SPTBN5: variants seen among roughly 807,000 people sequenced by gnomAD.
The protein encoded by SPTBN5 is spectrin beta chain, non-erythrocytic 5.
Under a neutral mutation model 477.6 loss-of-function variants are expected in SPTBN5, and 513 were observed. The observed-to-expected ratio is 1.07, with a 90% CI of 1.00 to 1.16. The LOEUF is 1.16. Among genes scored for constraint, SPTBN5 ranks in the 50% most tolerant of loss-of-function variants. The pLI, the probability that SPTBN5 is intolerant of heterozygous loss-of-function variation, is 0.00. For missense variants in SPTBN5, 5,062 were observed against 4,731.8 expected, an observed-to-expected ratio of 1.07 and a Z score of -2.05; for synonymous variants, 2,169 against 2,011.7, an observed-to-expected ratio of 1.08 and a Z score of -2.09.
intron 36 of SPTBN5, 35 bp from the exon 37 acceptor site, chr15:41,866,528 T>G: frequency 6.7e-7 from 1 of 1,495,742 alleles, no homozygotes; most frequent in Non-Finnish European, 8.9e-7. Context: ...TGCAATGTTC[T>G]GCAGCCTCAG....
Position 41,849,928 on chromosome 15 carries a change from T to A in SPTBN5, c.10953A>T (p.Lys3651Asn). Residue 3651 changes from lysine (K) to asparagine (N), a missense_variant, in exon 67 of 68, where the codon AAA becomes AAT. Transcript: ENST00000320955. Reference protein sequence around the residue: ...AQSLSPKLKAKPVSSLNECTT... With the variant: ...AQSLSPKLKANPVSSLNECTT... ...TGCACTCATTCAGAGAGCTGACAGG[T>A]TTGGCTTTGAGTTTTGGGCTCAGAC... is the stretch of plus-strand genomic sequence containing the variant. The A allele has an allele frequency of 6.3e-7, 1 of 1,596,786 alleles. No individual in the cohort carries two copies. Among genetic ancestry groups the A allele is most frequent in the Non-Finnish European group, 8.5e-7 (1 of 1,171,492 alleles).
Position 41,862,620 on chromosome 15 carries a change from G to C in SPTBN5, c.7304C>G (p.Pro2435Arg). Residue 2435 changes from proline (P) to arginine (R), a missense_variant, in exon 43 of 68, where the codon CCC (proline) becomes CGC (arginine). Transcript: ENST00000320955. ...GTGCCTGAGGCCGTGGGCTGCCTCG[G>C]GGCTTCTTTGGCAGAGGCGGCCCAC... ...REVGRLCQRS[P>R]EAAHGLRHRQ... 6.4e-7 allele frequency: 1 copy of C among 1,557,406 alleles called. No homozygotes were observed. The highest frequency in any genetic ancestry group is 8.7e-7 in the Non-Finnish European group (1 of 1,152,780).
At position 41,863,975 on chromosome 15, in the gene SPTBN5, T is replaced by C. The variant is rs1484465799; in HGVS notation, c.6968A>G (p.Gln2323Arg). The C allele has an allele frequency of 2.5e-6, 4 of 1,613,740 alleles. No homozygotes were observed. Among genetic ancestry groups the C allele is most frequent in the Non-Finnish European group, 3.4e-6 (4 of 1,179,894 alleles). The change falls in exon 40 of 68, where the codon CAG (glutamine) becomes CGG (arginine). Residue 2323 changes from glutamine to arginine, a missense_variant. Physicochemically the swap from Gln to Arg is conservative, Grantham distance 43. Coordinates refer to ENST00000320955, the MANE Select transcript of SPTBN5 (RefSeq NM_016642.4). ...TTCCTCAGGGTCCCGGTTCTTGAGC[T>C]GCAGTGACAAGTCACTGATGCTCCT... is the stretch of plus-strand genomic sequence containing the variant. ...CIRSISDLSL[Q>R]LKNRDPEEVK... is the part of the protein sequence containing the mutation.
intron 49 of SPTBN5, among the ~76,000 whole-genome samples, chr15:41,858,335 G>C (rs1162392547): frequency 6.6e-6 from 1 of 152,190 alleles, no homozygotes; most frequent in African/African-American, 2.4e-5. Context: ...TCACAGGACT[G>C]GTGGCTATGT....
intron 62 of SPTBN5, 119 bp downstream of exon 62, chr15:41,852,063 G>T: frequency 7.7e-7 from 1 of 1,293,046 alleles, no homozygotes; most frequent in Non-Finnish European, 1.1e-6. Flanking sequence ...TTCAGCTCCT[G>T]TGCCCGGGCT....
intron 13 of SPTBN5, 117 bp from the exon 14 acceptor site, chr15:41,880,429 G>T: frequency 2.7e-6 from 3 of 1,109,926 alleles, no homozygotes; most frequent in Non-Finnish European, 2.5e-6. Flanking sequence ...CAGGGTCAGG[G>T]CCAGAGGGGG....
At chr15:41,887,142 G>T in intron 6 of SPTBN5, 71 bp downstream of exon 6, 1 of 1,396,234 alleles carries the variant, frequency 7.2e-7, no homozygotes, top group Non-Finnish European at 9.9e-7. Flanking sequence ...GTACGTGGCA[G>T]GGCAGGCTTC....
At position 41,866,197 on chromosome 15, in the gene SPTBN5, A is replaced by T. The variant is rs1595467959; in HGVS notation, c.6663T>A (p.Pro2221=). The T allele has an allele frequency of 6.3e-7, 1 of 1,586,064 alleles. No homozygotes were observed. Among genetic ancestry groups the T allele is most frequent in the African/African-American group, 1.3e-5 (1 of 74,362 alleles). ...GCCGCTGGGAGACCTCTCCGGCTCG[A>T]GGGTGACTCTGTGCCAGGAGAGCCT... is the stretch of plus-strand genomic sequence containing the variant. ...KGEALLAQSH[P]RAGEVSQRLQ... Residue 2221 remains proline, a synonymous_variant, in exon 38 of 68, where the codon CCT becomes CCA. Transcript: ENST00000320955.
rs1165149858 is a variant in SPTBN5, at chr15:41,882,048, G to A, written c.2345C>T (p.Thr782Ile). ...CAGCCGCACGTGGCGCCTCAGCAGG[G>A]TCTCGGCGGCCGCCTGGTCCTGACC... ...SCGQDQAAAE[T>I]LLRRHVRLER... Residue 782 changes from threonine to isoleucine, a missense_variant, in exon 12 of 68, where the codon ACC becomes ATC. By Grantham distance (89) the Thr-to-Ile change is moderately conservative. Transcript: ENST00000320955. The A allele has an allele frequency of 1.3e-6, 2 of 1,557,068 alleles. No homozygotes were observed. The highest frequency in any genetic ancestry group is 1.7e-6 in the Non-Finnish European group (2 of 1,163,144).
At position 41,850,800 on chromosome 15, in the gene SPTBN5, G is replaced by A. The variant is rs1023431288; in HGVS notation, c.10921+54C>T. The stretch of plus-strand genomic sequence containing the variant: ...TGCATAAAACACTAGGGGCCCAGGA[G>A]CTTGGGGCCCAGGGAGTCGGCCGCC... On this transcript the variant is annotated intron_variant, in intron 66 of 67. Coordinates refer to ENST00000320955, the MANE Select transcript of SPTBN5 (RefSeq NM_016642.4). The A allele has an allele frequency of 3.4e-6, 5 of 1,470,788 alleles. No individual in the cohort carries two copies. In the Admixed American group the frequency reaches 6.3e-5, roughly 18 times the overall value. The allele number at this position is 1,470,788 out of a possible 1,614,324, so 91.1% of individuals were successfully genotyped here.
chr15:41,862,988 T>C, intron 41 of SPTBN5, 85 bp from the exon 42 acceptor site: 1 of 1,239,326 alleles, frequency 8.1e-7, no homozygotes, highest in Middle Eastern at 1.9e-4. Flanking sequence ...GTGGCTTCTG[T>C]GTGCACAGCA....
At chr15:41,882,534 A>AGGGAAGGGCAAGGCGCTG (rs2067002796) in intron 10 of SPTBN5, 51 bp downstream of exon 10, 5 of 1,589,018 alleles carry the variant, frequency 3.1e-6, no homozygotes, top group Non-Finnish European at 4.3e-6. Flanking sequence ...GGGGCCCGAG[A>AGGGAAGGGCAAGGCGCTG]GGGAAGGGCA....
chr15:41,877,039 T>C, intron 18 of SPTBN5, 77 bp downstream of exon 18: 1 of 1,596,586 alleles, frequency 6.3e-7, no homozygotes, highest in Non-Finnish European at 8.5e-7. Context: ...CTGCCCAGCC[T>C]GGCTTCTGGA....
chr15:41,870,700 C>G lies in SPTBN5; in HGVS notation c.5448-140G>C, dbSNP rs1288184295. Reference sequence around the variant, plus strand: ...AAGCTCCTCCTTCTTAAAACCTCTCCCGCCTGTGGCCCTGCCTACGCACCT... The same window carrying G: ...AAGCTCCTCCTTCTTAAAACCTCTCGCGCCTGTGGCCCTGCCTACGCACCT... On this transcript the variant is annotated intron_variant, in intron 29 of 67. Coordinates refer to ENST00000320955, the MANE Select transcript of SPTBN5 (RefSeq NM_016642.4). 4.5e-6 allele frequency: 3 copies of G among 666,610 alleles called. No individual in the cohort carries two copies. In the East Asian group the frequency reaches 8.2e-5, roughly 18 times the overall value. The allele number at this position is 666,610 out of a possible 1,614,324, so 41.3% of individuals were successfully genotyped here.
intron 66 of SPTBN5, 147 bp downstream of exon 66, chr15:41,850,707 C>T: frequency 2.7e-6 from 2 of 739,758 alleles, no homozygotes; most frequent in Non-Finnish European, 4.3e-6. Flanking sequence ...GACCTAAATT[C>T]TTTGAGGAAA....
chr15:41,886,407 G>A (rs772819889), intron 6 of SPTBN5, 41 bp from the exon 7 acceptor site: 4 of 1,529,748 alleles, frequency 2.6e-6, no homozygotes, highest in Non-Finnish European at 3.5e-6. Flanking sequence ...CCTTCTCAGG[G>A]CAGGCCCTGG....
At chr15:41,881,586 C>T (rs1177630868) in intron 12 of SPTBN5, among the ~76,000 whole-genome samples, 1 of 152,190 alleles carries the variant, frequency 6.6e-6, no homozygotes, top group Non-Finnish European at 1.5e-5. Context: ...CCACCCCAAA[C>T]CAACAAGGCG....
intron 66 of SPTBN5, chr15:41,850,609 A>C (rs1275197525): frequency 5.6e-6 from 3 of 534,210 alleles, no homozygotes; most frequent in South Asian, 2.5e-5. Context: ...GGGGCAGAAC[A>C]GGACCAGGAC....
Position 41,880,327 on chromosome 15 carries a change from C to T in SPTBN5, c.2659-15G>A, listed in dbSNP as rs1407704461. The T allele has an allele frequency of 6.3e-7, 1 of 1,588,500 alleles. No individual in the cohort carries two copies. Among genetic ancestry groups the T allele is most frequent in the Admixed American group, 1.8e-5 (1 of 56,678 alleles). On this transcript the variant is annotated splice_polypyrimidine_tract_variant and intron_variant, in intron 13 of 67. Coordinates refer to ENST00000320955, the MANE Select transcript of SPTBN5 (RefSeq NM_016642.4). ...GCCCTGCGGAGCTGGGGAGAGGTGG[C>T]CCAAGGCTGGGGTGAGGGTCAGGGC...
Sources: allele counts gnomAD v4.1 joint callset (sites outside exome capture counted in the v4.1 genomes callset), GRCh38; gene constraint gnomAD v4.1.1; transcripts MANE v1.5; gene names NCBI Gene and HGNC (gene_info 2026-07-23, HGNC 2026-07-21).